CKMT2: variants seen among roughly 807,000 people sequenced by gnomAD.
The protein encoded by CKMT2 is creatine kinase S-type, mitochondrial.
In CKMT2, 43 loss-of-function variants were observed where a neutral mutation model predicts 48.9. The observed-to-expected ratio is 0.88, with a 90% CI of 0.69 to 1.13. CKMT2 has a LOEUF of 1.13. Ranked by LOEUF, CKMT2 falls within the 50% of genes most tolerant of loss-of-function variation. CKMT2 has a pLI of 0.00. For missense variants in CKMT2, 472 were observed against 555.4 expected, an observed-to-expected ratio of 0.85 and a Z score of 1.51; for synonymous variants, 206 against 213.0, an observed-to-expected ratio of 0.97 and a Z score of 0.29.
chr5:81,254,556 C>A (rs1299784762), intron 4 of CKMT2, 65 bp downstream of exon 4: 6 of 1,408,392 alleles, frequency 4.3e-6, no homozygotes, highest in Non-Finnish European at 6.0e-6. Context: ...GGGAAGGCCC[C>A]TGGAGAGAGG....
chr5:81,254,788 C>T (rs1756939477), intron 4 of CKMT2: 11 of 607,340 alleles, frequency 1.8e-5, no homozygotes, highest in South Asian at 1.4e-4. Context: ...CCCCAGACCA[C>T]GCTATATAAA....
chr5:81,256,023 C>G (rs546556091), intron 5 of CKMT2, among the ~76,000 whole-genome samples: 2 of 152,302 alleles, frequency 1.3e-5, no homozygotes, highest in South Asian at 2.1e-4. Context: ...ACAATCCTCT[C>G]CTGGCTGAAG....
In CKMT2 at chr5:81,251,349, C is replaced by T. The variant is rs2112803395; in HGVS notation, c.152+65C>T. 4 of 1,547,654 alleles carry T rather than the reference C, an allele frequency of 2.6e-6. No individual in the cohort carries two copies. The South Asian group carries it at 3.4e-5, about 13-fold the overall frequency. On this transcript the variant is annotated intron_variant, in intron 2 of 9. Transcript: ENST00000254035. ...CGGTGGCTCATGCATGTAATCCCAG[C>T]ACTTTGGAAGGCCAGATCACGAGGT...
At chr5:81,259,938 T>C (rs1324686575) in intron 8 of CKMT2, among the ~76,000 whole-genome samples, 2 of 152,168 alleles carry the variant, frequency 1.3e-5, no homozygotes, top group African/African-American at 2.4e-5. Context: ...CAGCATCACA[T>C]CGCACTTATT....
chr5:81,254,957 A>C (rs751500212), intron 4 of CKMT2, 36 bp from the exon 5 acceptor site: 2 of 1,569,506 alleles, frequency 1.3e-6, no homozygotes, highest in Admixed American at 3.3e-5. Context: ...CCATGGTCCG[A>C]GGCTGGCCAC....
At chr5:81,257,097 A>T in intron 6 of CKMT2, 97 bp downstream of exon 6, 1 of 910,340 alleles carries the variant, frequency 1.1e-6, no homozygotes, top group Non-Finnish European at 1.7e-6. Flanking sequence ...ACTGCAGTTG[A>T]CAGCATGCCC....
Position 81,255,109 on chromosome 5 carries a change from A to T in CKMT2, c.564A>T (p.Val188=), listed in dbSNP as rs1580450135. The change falls in exon 5 of 10, where the codon GTA becomes GTT. Residue 188 remains valine (V), a synonymous_variant. Coordinates refer to ENST00000254035, the MANE Select transcript of CKMT2 (RefSeq NM_001099735.2). ...PACTRAERRE[V]ENVAITALEG... is the part of the protein sequence containing the mutation. ...GCACCCGGGCCGAGCGAAGGGAGGT[A>T]GAGAACGTGGCCATCACTGCCCTGG... is the stretch of plus-strand genomic sequence containing the variant. 5 of 1,614,076 alleles carry T rather than the reference A, an allele frequency of 3.1e-6. No homozygotes were observed. The highest frequency in any genetic ancestry group is 4.2e-6 in the Non-Finnish European group (5 of 1,180,016).
intron 1 of CKMT2, among the ~76,000 whole-genome samples, chr5:81,245,918 C>T (rs1018784211): frequency 6.6e-6 from 1 of 152,158 alleles, no homozygotes; most frequent in African/African-American, 2.4e-5. Context: ...AACTGTAGAC[C>T]AGAAATCTCA....
chr5:81,251,214 A>G lies in CKMT2; in HGVS notation c.82A>G (p.Thr28Ala). The G allele has an allele frequency of 6.2e-7, 1 of 1,614,108 alleles. No homozygotes were observed. Among genetic ancestry groups the G allele is most frequent in the Non-Finnish European group, 8.5e-7 (1 of 1,180,034 alleles). Residue 28 changes from threonine to alanine, a missense_variant, in exon 2 of 10, where the codon ACC (threonine) becomes GCC (alanine). Thr to Ala is a moderately conservative substitution (Grantham distance 58). Transcript: ENST00000254035. The stretch of plus-strand genomic sequence containing the variant: ...TACCATGGGCACCAGTGTCCTGACC[A>G]CCGGGTACCTGCTGAACCGGCAGAA... ...FATMGTSVLTTGYLLNRQKVC... is the reference protein window; with the variant it reads ...FATMGTSVLTAGYLLNRQKVC...
chr5:81,233,356 C>T lies in CKMT2; in HGVS notation c.-42C>T, dbSNP rs1050390861. On this transcript the variant is annotated 5_prime_UTR_variant, in exon 1 of 10. The change creates a new upstream start codon in the 5' untranslated region. Transcript: ENST00000254035. ...TCTTGGCTGTGTGCGCTCAGCAGGA[C>T]GTGGGAGGCTCCGGCTTCAAGGTCG... The T allele has an allele frequency of 2.4e-5, 24 of 985,810 alleles. No individual in the cohort carries two copies. The highest frequency in any genetic ancestry group is 2.9e-5 in the Non-Finnish European group (24 of 830,240). 61.1% of individuals were successfully genotyped at this position (985,810 alleles called of 1,614,324 possible).
At chr5:81,256,036 T>C (rs1351295096) in intron 5 of CKMT2, among the ~76,000 whole-genome samples, 1 of 152,180 alleles carries the variant, frequency 6.6e-6, no homozygotes, top group African/African-American at 2.4e-5. Context: ...GGCTGAAGTC[T>C]CTGATCTCTC....
chr5:81,244,547 T>C (rs1184116736), intron 1 of CKMT2, among the ~76,000 whole-genome samples: 1 of 152,232 alleles, frequency 6.6e-6, no homozygotes. Context: ...AACTCTCTTT[T>C]AGGCTCTGCC....
chr5:81,246,873 T>A (rs891569010), intron 1 of CKMT2: 1 of 152,020 alleles, frequency 6.6e-6, no homozygotes, highest in Admixed American at 6.6e-5. Context: ...GGAAGAAGGG[T>A]CCTTGTGGAC....
chr5:81,263,593 A>G lies in CKMT2; in HGVS notation c.1117A>G (p.Ile373Val). The G allele has an allele frequency of 3.1e-6, 5 of 1,612,334 alleles. No individual in the cohort carries two copies. Among genetic ancestry groups the G allele is most frequent in the Middle Eastern group, 1.7e-4 (1 of 6,042 alleles). The change falls in exon 9 of 10, where the codon ATA becomes GTA. Residue 373 changes from isoleucine to valine, a missense_variant. Ile to Val is a conservative substitution (Grantham distance 29). Transcript: ENST00000254035. Reference sequence around the variant, plus strand: ...CGCAGATGTGTACGACATTTCCAACATAGATAGAATTGGTCGATCAGAGGT... The same window carrying G: ...CGCAGATGTGTACGACATTTCCAACGTAGATAGAATTGGTCGATCAGAGGT... Reference protein sequence around the residue: ...AVADVYDISNIDRIGRSEVEL... With the variant: ...AVADVYDISNVDRIGRSEVEL...
At chr5:81,259,843 C>T (rs1757149899) in intron 8 of CKMT2, among the ~76,000 whole-genome samples, 4 of 152,232 alleles carry the variant, frequency 2.6e-5, no homozygotes, top group Non-Finnish European at 4.4e-5. Flanking sequence ...ATATGCAGGA[C>T]TTGAACTCGG....
intron 8 of CKMT2, among the ~76,000 whole-genome samples, chr5:81,262,276 G>A (rs1271053782): frequency 6.6e-6 from 1 of 152,108 alleles, no homozygotes; most frequent in Non-Finnish European, 1.5e-5. Flanking sequence ...CAGGACATAG[G>A]CATGGGCAAA....
Position 81,266,228 on chromosome 5 carries a change from AC to A in CKMT2, c.1235del (p.Pro412LeufsTer40). 2.5e-6 allele frequency: 4 copies of A among 1,613,220 alleles called. No homozygotes were observed. The highest frequency in any genetic ancestry group is 3.4e-6 in the Non-Finnish European group (4 of 1,179,356). On this transcript the variant is annotated frameshift_variant, in exon 10 of 10. Coordinates refer to ENST00000254035, the MANE Select transcript of CKMT2 (RefSeq NM_001099735.2). LOFTEE classifies it high-confidence loss of function. Reference sequence around the variant, plus strand: ...AGAGAGGCCAAGATATTAAGGTGCCACCCCCTCTGCCTCAGTTTGGCAAAAA... The same window carrying A: ...AGAGAGGCCAAGATATTAAGGTGCCACCCCTCTGCCTCAGTTTGGCAAAAA... Reference protein sequence around the residue: ...LERGQDIKVPPPLPQFGKK With the variant: ...LERGQDIKVPXPLPQFGKK
chr5:81,243,716 AG>A (rs1475681508), intron 1 of CKMT2, among the ~76,000 whole-genome samples: 1 of 151,844 alleles, frequency 6.6e-6, no homozygotes, highest in Non-Finnish European at 1.5e-5. Context: ...TTTTGAGTCA[AG>A]TCTCTATCAC....
At chr5:81,242,428 A>G (rs1200561673) in intron 1 of CKMT2, 2 of 514,268 alleles carry the variant, frequency 3.9e-6, no homozygotes, top group Non-Finnish European at 7.6e-6. Context: ...ACCACTTTAC[A>G]GGGTTTCCCC....
Sources: allele counts gnomAD v4.1 joint callset (sites outside exome capture counted in the v4.1 genomes callset), GRCh38; gene constraint gnomAD v4.1.1; transcripts MANE v1.5; gene names NCBI Gene and HGNC (gene_info 2026-07-23, HGNC 2026-07-21).